Variants in GNRHR observed in about 807,000 individuals in gnomAD.
GNRHR encodes the protein gonadotropin releasing hormone receptor.
In GNRHR, 14 loss-of-function variants were observed where a neutral mutation model predicts 28.1. That is an observed-to-expected ratio of 0.50 (90% CI 0.33 to 0.78). GNRHR has a LOEUF of 0.78. Ranked by LOEUF, GNRHR falls within the 30% of genes least tolerant of loss-of-function variation. The pLI is 0.02. For missense variants in GNRHR, 366 were observed against 382.1 expected, an observed-to-expected ratio of 0.96 and a Z score of 0.35; for synonymous variants, 141 against 140.5, an observed-to-expected ratio of 1.00 and a Z score of -0.02.
intron 1 of GNRHR, among the ~76,000 whole-genome samples, chr4:67,750,552 G>T (rs936241368): frequency 6.6e-6 from 1 of 152,114 alleles, no homozygotes; most frequent in African/African-American, 2.4e-5. Flanking sequence ...AGAATGCACT[G>T]CCGAATTATC....
intron 1 of GNRHR, among the ~76,000 whole-genome samples, chr4:67,749,174 T>C (rs1450058719): frequency 6.6e-6 from 1 of 152,156 alleles, no homozygotes; most frequent in Non-Finnish European, 1.5e-5. Flanking sequence ...TAATATTTAT[T>C]GAATTTAAAC....
intron 2 of GNRHR, among the ~76,000 whole-genome samples, chr4:67,740,931 T>C (rs1560516511): frequency 6.6e-6 from 1 of 152,214 alleles, no homozygotes; most frequent in African/African-American, 2.4e-5. Context: ...TTGAAGATGA[T>C]AGTGCTCTTA....
At chr4:67,743,102 G>A (rs1731690247) in intron 2 of GNRHR, among the ~76,000 whole-genome samples, 1 of 152,132 alleles carries the variant, frequency 6.6e-6, no homozygotes, top group South Asian at 2.1e-4. Context: ...ACAGGCATGT[G>A]CCACCACACC....
intron 1 of GNRHR, chr4:67,747,517 A>C (rs1478576780): frequency 6.6e-6 from 1 of 152,060 alleles, no homozygotes; most frequent in Non-Finnish European, 1.5e-5. Flanking sequence ...TTTTCACACC[A>C]ACTTGGTGAG....
chr4:67,751,484 C>T (rs991954144), intron 1 of GNRHR, among the ~76,000 whole-genome samples: 3 of 152,158 alleles, frequency 2.0e-5, no homozygotes, highest in African/African-American at 7.2e-5. Flanking sequence ...TTTTCTGTGG[C>T]TCACATTCAC....
intron 1 of GNRHR, among the ~76,000 whole-genome samples, chr4:67,745,355 G>A (rs1193642688): frequency 1.3e-5 from 2 of 151,604 alleles, no homozygotes; most frequent in African/African-American, 4.8e-5. Flanking sequence ...CAAATCTGGG[G>A]CAGTTTAAGC....
chr4:67,740,836 T>G lies in GNRHR; in HGVS notation c.743-112A>C, dbSNP rs560222547. ...TCAACTTAATCAATGGGAGAAAATT[T>G]CCATTATTTTAAATAATAATAATTT... On this transcript the variant is annotated intron_variant, in intron 2 of 2. Coordinates refer to ENST00000226413, the MANE Select transcript of GNRHR (RefSeq NM_000406.3). The G allele has an allele frequency of 3.9e-6, 3 of 762,672 alleles. No individual in the cohort carries two copies. The East Asian group carries it at 7.3e-5, about 19-fold the overall frequency. 47.2% of individuals were successfully genotyped at this position (762,672 alleles called of 1,614,324 possible).
Position 67,737,147 on chromosome 4 carries a change from T to C in GNRHR, c.*3333A>G. The stretch of plus-strand genomic sequence containing the variant: ...CACATATAACATTTATTATGTTTTC[T>C]CTTAATACACATGCAATATGAGTTC... On this transcript the variant is annotated 3_prime_UTR_variant, in exon 3 of 3. Transcript: ENST00000226413. 6.6e-6 allele frequency among the ~76,000 whole-genome samples: 1 copy of C among 152,068 alleles called. No individual in the cohort carries two copies. Among genetic ancestry groups the C allele is most frequent in the Non-Finnish European group, 1.5e-5 (1 of 67,958 alleles).
chr4:67,750,718 A>G (rs1450124224), intron 1 of GNRHR, among the ~76,000 whole-genome samples: 2 of 152,056 alleles, frequency 1.3e-5, no homozygotes, highest in Non-Finnish European at 2.9e-5. Flanking sequence ...TTTTTTTTCA[A>G]CTGAGGTATG....
rs544023790 is a variant in GNRHR at position 67,754,024 on chromosome 4, T to G, written c.312A>C (p.Thr104=). 1 of 1,613,650 alleles carries G rather than the reference T, an allele frequency of 6.2e-7. No individual in the cohort carries two copies. Residue 104 remains threonine (T), a synonymous_variant, in exon 1 of 3, where the codon ACA becomes ACC. Coordinates refer to ENST00000226413, the MANE Select transcript of GNRHR (RefSeq NM_000406.3). ...GTAACTCTCCAGCATACCATTGGAC[T>G]GTAATGTTCCACATCCCATCCAGTG... is the stretch of plus-strand genomic sequence containing the variant. ...VMPLDGMWNI[T]VQWYAGELLC...
chr4:67,753,422 T>G (rs1731905826), intron 1 of GNRHR, among the ~76,000 whole-genome samples: 1 of 152,144 alleles, frequency 6.6e-6, no homozygotes, highest in Non-Finnish European at 1.5e-5. Context: ...CAACTAAACA[T>G]TAAAGCCATG....
Position 67,744,691 on chromosome 4 carries a change from GCCA to G in GNRHR, c.616_618del (p.Trp206del). ...GTGAAAAAGTTATAAAATGCTTGAT[GCCA>G]CCATTGTGAAAAACTGCAGTGTGTT... On this transcript the variant is annotated inframe_deletion, in exon 2 of 3. Transcript: ENST00000226413. 6.2e-7 allele frequency: 1 copy of G among 1,611,238 alleles called. No homozygotes were observed. Among genetic ancestry groups the G allele is most frequent in the Non-Finnish European group, 8.5e-7 (1 of 1,177,304 alleles).
rs1731602692 is a variant in GNRHR at position 67,738,905 on chromosome 4, G to GA, written c.*1574dup. On this transcript the variant is annotated 3_prime_UTR_variant, in exon 3 of 3. Transcript: ENST00000226413. ...AGAATTGGAAAGTAAGGTAGGATAT[G>GA]AAAAAAACAACAACACAACACTATA... Among the ~76,000 whole-genome samples, 1 of 151,392 alleles carries GA rather than the reference G, an allele frequency of 6.6e-6. No individual in the cohort carries two copies. The highest frequency in any genetic ancestry group is 1.5e-5 in the Non-Finnish European group (1 of 67,618).
Position 67,739,695 on chromosome 4 carries a change from G to C in GNRHR, c.*785C>G, listed in dbSNP as rs1731620731. On this transcript the variant is annotated 3_prime_UTR_variant, in exon 3 of 3. Transcript: ENST00000226413. ...CGTACTCACTATGAGTATTTTCTTA[G>C]TTGCATTTGGAAACATTGTTATTTT... 1 of 151,988 alleles carries C rather than the reference G, an allele frequency of 6.6e-6. No homozygotes were observed. Among genetic ancestry groups the C allele is most frequent in the Non-Finnish European group, 1.5e-5 (1 of 67,956 alleles). The allele number at this position is 151,988 out of a possible 1,614,324, so 9.4% of individuals were successfully genotyped here.
chr4:67,738,134 A>G lies in GNRHR; in HGVS notation c.*2346T>C, dbSNP rs1731584178. On this transcript the variant is annotated 3_prime_UTR_variant, in exon 3 of 3. Coordinates refer to ENST00000226413, the MANE Select transcript of GNRHR (RefSeq NM_000406.3). ...GTTTGTTGGTTTGAAAACAATAAGC[A>G]TATTGAAGCAATCTTGTTTCAATAT... 2.0e-5 allele frequency among the ~76,000 whole-genome samples: 3 copies of G among 151,766 alleles called. No homozygotes were observed. The highest frequency in any genetic ancestry group is 2.0e-4 in the Admixed American group (3 of 15,210).
rs1013608527 is a variant in GNRHR, at chr4:67,740,299, C to T, written c.*181G>A. The T allele has an allele frequency of 4.3e-5, 25 of 580,768 alleles. No individual in the cohort carries two copies. The highest frequency in any genetic ancestry group is 4.3e-4 in the African/African-American group (23 of 53,504). The allele number at this position is 580,768 out of a possible 1,614,324, so 36.0% of individuals were successfully genotyped here. On this transcript the variant is annotated 3_prime_UTR_variant, in exon 3 of 3. Transcript: ENST00000226413. The stretch of plus-strand genomic sequence containing the variant: ...AAGAGAAAATATTTTAGTATTTTTC[C>T]TGAAGACTTTTCCTTAATAATTGAG...
At position 67,742,638 on chromosome 4, in the gene GNRHR, G is replaced by A. The variant is rs1323499752; in HGVS notation, c.743-1914C>T. Among the ~76,000 whole-genome samples the A allele has an allele frequency of 2.6e-5, 4 of 152,322 alleles. No individual in the cohort carries two copies. In the South Asian group the frequency reaches 8.3e-4, roughly 32 times the overall value. The stretch of plus-strand genomic sequence containing the variant: ...AAAGGTAAAAAGGTGCAATTTTGAA[G>A]TGCTCAAAATCTGTTCTTGTATTTC... On this transcript the variant is annotated intron_variant, in intron 2 of 2. Transcript: ENST00000226413.
intron 1 of GNRHR, among the ~76,000 whole-genome samples, chr4:67,750,756 T>C (rs974382264): frequency 7.9e-5 from 12 of 152,220 alleles, no homozygotes; most frequent in African/African-American, 2.9e-4. Context: ...AAAATCGGTA[T>C]GTGCACCAAA....
Position 67,738,414 on chromosome 4 carries a change from A to G in GNRHR, c.*2066T>C, listed in dbSNP as rs1272151516. 2.6e-5 allele frequency among the ~76,000 whole-genome samples: 4 copies of G among 151,848 alleles called. No homozygotes were observed. Among genetic ancestry groups the G allele is most frequent in the African/African-American group, 9.7e-5 (4 of 41,396 alleles). ...ATGAAATGTAGGTTAAGAACCCCTG[A>G]GTCAAGATTTCGAATAGCCCTTTAG... On this transcript the variant is annotated 3_prime_UTR_variant, in exon 3 of 3. Transcript: ENST00000226413.
Sources: gnomAD v4.1 joint callset for allele counts (sites outside exome capture counted in the v4.1 genomes callset) on GRCh38, gnomAD v4.1.1 for gene constraint, MANE v1.5 for transcripts, NCBI Gene and HGNC (gene_info 2026-07-23, HGNC 2026-07-21) for gene names.